The following ITFG1 variants were observed in gnomAD, a reference collection of about 807,000 sequenced individuals.
ITFG1 encodes integrin alpha FG-GAP repeat containing 1.
A neutral mutation model predicts 81.8 loss-of-function variants in ITFG1; 34 were observed. The observed-to-expected ratio is 0.42, with a 90% CI of 0.32 to 0.55. The LOEUF is 0.55. Ranked by LOEUF, ITFG1 falls within the 20% of genes least tolerant of loss-of-function variation. The probability of loss-of-function intolerance (pLI) is 0.17; values close to 1 mark genes in which losing one functional copy is unlikely to be tolerated. For missense variants in ITFG1, 672 were observed against 755.4 expected (o/e 0.89, Z 1.29); for synonymous variants, 285 against 270.6 (o/e 1.05, Z -0.52).
intron 9 of ITFG1, 61 bp from the exon 10 acceptor site, chr16:47,311,473 G>T: frequency 7.6e-7 from 1 of 1,314,570 alleles, no homozygotes; most frequent in Non-Finnish European, 1.0e-6. Flanking sequence ...TTTATAATTT[G>T]CAAAACAAAC....
At position 47,375,957 on chromosome 16, in the gene ITFG1, T is replaced by C; in HGVS notation, c.656-17A>G. Reference sequence around the variant, plus strand: ...GGAATAAATCTAGAAGGAAAAATAATAAAAACGTAAAGTTTTGTAGTCTTA... The same window carrying C: ...GGAATAAATCTAGAAGGAAAAATAACAAAAACGTAAAGTTTTGTAGTCTTA... On this transcript the variant is annotated splice_polypyrimidine_tract_variant and intron_variant, in intron 6 of 17. Transcript: ENST00000320640. 2 of 1,546,044 alleles carry C rather than the reference T, an allele frequency of 1.3e-6. No individual in the cohort carries two copies. The highest frequency in any genetic ancestry group is 2.3e-5 in the East Asian group (1 of 44,384).
intron 14 of ITFG1, among the ~76,000 whole-genome samples, chr16:47,179,333 T>C (rs537018159): frequency 6.6e-6 from 1 of 152,330 alleles, no homozygotes; most frequent in Non-Finnish European, 1.5e-5. Flanking sequence ...AACCCAAATG[T>C]CCATCAATGA....
rs140379384 is a variant in ITFG1 at position 47,422,464 on chromosome 16, T to C, written c.655+6340A>G. ...GGCCTAAAATTCCCTTTTTTTGTTA[T>C]GTCTCTGCCAGGCTTTGGTATCAGG... On this transcript the variant is annotated intron_variant, in intron 6 of 17. Coordinates refer to ENST00000320640, the MANE Select transcript of ITFG1 (RefSeq NM_030790.5). Among the ~76,000 whole-genome samples the C allele has an allele frequency of 3.5e-3, 532 of 152,326 alleles. 2 individuals are homozygous for C. Among genetic ancestry groups the C allele is most frequent in the Middle Eastern group, 6.8e-3 (2 of 294 alleles).
chr16:47,243,486 G>T (rs1438940491), intron 12 of ITFG1, among the ~76,000 whole-genome samples: 2 of 151,868 alleles, frequency 1.3e-5, no homozygotes, highest in Non-Finnish European at 2.9e-5. Flanking sequence ...CAACTTTCAG[G>T]GAAGATAATT....
At chr16:47,406,612 G>A (rs1284934874) in intron 6 of ITFG1, among the ~76,000 whole-genome samples, 2 of 152,200 alleles carry the variant, frequency 1.3e-5, no homozygotes, top group Non-Finnish European at 2.9e-5. Flanking sequence ...GGGCACTGGA[G>A]AAATGACAGT....
chr16:47,179,534 A>C (rs1032971049), intron 14 of ITFG1, among the ~76,000 whole-genome samples: 1 of 152,220 alleles, frequency 6.6e-6, no homozygotes, highest in Non-Finnish European at 1.5e-5. Flanking sequence ...GCTGATTTAC[A>C]GTAATGGTTG....
intron 6 of ITFG1, among the ~76,000 whole-genome samples, chr16:47,420,722 C>A (rs1030839757): frequency 2.6e-5 from 4 of 152,182 alleles, no homozygotes; most frequent in Admixed American, 2.6e-4. Context: ...TCCCTTTCAC[C>A]TTCCACCACA....
chr16:47,166,085 A>G (rs562843032), intron 14 of ITFG1, among the ~76,000 whole-genome samples: 1 of 152,348 alleles, frequency 6.6e-6, no homozygotes, highest in African/African-American at 2.4e-5. Flanking sequence ...CAGCATTAAC[A>G]TCAATACAAA....
intron 5 of ITFG1, among the ~76,000 whole-genome samples, chr16:47,441,161 A>G (rs976176667): frequency 6.6e-6 from 1 of 152,210 alleles, no homozygotes; most frequent in African/African-American, 2.4e-5. Context: ...GACCAATAAC[A>G]GGCTCTGAAA....
At chr16:47,372,283 C>G (rs935991754) in intron 7 of ITFG1, among the ~76,000 whole-genome samples, 1 of 152,010 alleles carries the variant, frequency 6.6e-6, no homozygotes, top group Non-Finnish European at 1.5e-5. Flanking sequence ...CTTGCTCTGT[C>G]GCTCAGGCTG....
chr16:47,284,009 A>C (rs1343773707), intron 10 of ITFG1, among the ~76,000 whole-genome samples: 2 of 152,246 alleles, frequency 1.3e-5, no homozygotes, highest in African/African-American at 4.8e-5. Flanking sequence ...ATCATGAATT[A>C]TAATGATTCA....
chr16:47,259,821 T>C (rs949252550), intron 11 of ITFG1, among the ~76,000 whole-genome samples: 2 of 152,056 alleles, frequency 1.3e-5, no homozygotes, highest in African/African-American at 4.8e-5. Flanking sequence ...TCAGTCAGAG[T>C]CACAAGAATC....
rs1967553637 is a variant in ITFG1, at chr16:47,326,872, T to C, written c.803-13049A>G. Among the ~76,000 whole-genome samples, 5 of 152,248 alleles carry C rather than the reference T, an allele frequency of 3.3e-5. No homozygotes were observed. In the South Asian group the frequency reaches 8.3e-4, roughly 25 times the overall value. ...ATTCCATGCTCATGGGTAGGAAGAATCAATATCGTGAAAATGGCCATAGTG... is the reference window on the plus strand; with the variant it reads ...ATTCCATGCTCATGGGTAGGAAGAACCAATATCGTGAAAATGGCCATAGTG... On this transcript the variant is annotated intron_variant, in intron 8 of 17. Coordinates refer to ENST00000320640, the MANE Select transcript of ITFG1 (RefSeq NM_030790.5).
intron 10 of ITFG1, among the ~76,000 whole-genome samples, chr16:47,308,744 T>A (rs1967209379): frequency 6.6e-6 from 1 of 152,252 alleles, no homozygotes; most frequent in South Asian, 2.1e-4. Flanking sequence ...TCATGGCTGA[T>A]ACTCAGACTT....
intron 5 of ITFG1, among the ~76,000 whole-genome samples, chr16:47,444,890 G>T (rs1969303240): frequency 1.3e-5 from 2 of 151,918 alleles, no homozygotes; most frequent in Admixed American, 6.6e-5. Context: ...TTGGAAATTG[G>T]TTTTTCTTAC....
Position 47,251,067 on chromosome 16 carries a change from T to A in ITFG1, c.1330+7565A>T, listed in dbSNP as rs74674980. 7.8e-3 allele frequency among the ~76,000 whole-genome samples: 1,191 copies of A among 152,300 alleles called. 40 individuals are homozygous for A. In the East Asian group the frequency reaches 0.11, roughly 14 times the overall value. The stretch of plus-strand genomic sequence containing the variant: ...CAGTGTTGCCCAAAACACAAACTTT[T>A]TAGCATAGAGGATGAAACAACACAA... On this transcript the variant is annotated intron_variant, in intron 12 of 17. Coordinates refer to ENST00000320640, the MANE Select transcript of ITFG1 (RefSeq NM_030790.5).
In ITFG1 at chr16:47,409,123, G is replaced by A. The variant is rs556997893; in HGVS notation, c.655+19681C>T. Among the ~76,000 whole-genome samples the A allele has an allele frequency of 6.4e-4, 97 of 151,284 alleles. 1 individual carries two copies. The highest frequency in any genetic ancestry group is 2.1e-3 in the African/African-American group (87 of 41,258). On this transcript the variant is annotated intron_variant, in intron 6 of 17. Transcript: ENST00000320640. ...CCTTTCAAAGGGCTTGTGGCCTAGG[G>A]GAAAATTAGGGTTATCATAACAAGA...
At chr16:47,303,208 T>C (rs1967104290) in intron 10 of ITFG1, among the ~76,000 whole-genome samples, 1 of 151,984 alleles carries the variant, frequency 6.6e-6, no homozygotes, top group Admixed American at 6.6e-5. Flanking sequence ...GGGGCGGAGC[T>C]TGCAGTGAGC....
intron 5 of ITFG1, among the ~76,000 whole-genome samples, chr16:47,432,625 A>G (rs2151610934): frequency 6.6e-6 from 1 of 152,350 alleles, no homozygotes. Flanking sequence ...TCTGAACTCT[A>G]TAATATAAAG....
Sources: allele counts gnomAD v4.1 joint callset (sites outside exome capture counted in the v4.1 genomes callset), GRCh38; gene constraint gnomAD v4.1.1; transcripts MANE v1.5; gene names NCBI Gene and HGNC (gene_info 2026-07-23, HGNC 2026-07-21).